BANK1: variants seen among roughly 807,000 people sequenced by gnomAD.
The protein encoded by BANK1 is B-cell scaffold protein with ankyrin repeats.
In BANK1, 95 loss-of-function variants were observed where a neutral mutation model predicts 94.5. The observed-to-expected ratio is 1.00, with a 90% CI of 0.85 to 1.19. The LOEUF is 1.19. BANK1 is among the 50% of genes most tolerant of loss of function. BANK1 has a pLI of 0.00. For missense variants in BANK1, 987 were observed against 932.2 expected (o/e 1.06, Z -0.77); for synonymous variants, 334 against 308.4 (o/e 1.08, Z -0.87).
chr4:102,060,506 T>A, intron 12 of BANK1, 117 bp downstream of exon 12: 1 of 1,071,734 alleles, frequency 9.3e-7, no homozygotes, highest in Non-Finnish European at 1.3e-6. Context: ...AACTAGCCAC[T>A]AAGGAAGATA....
At chr4:101,900,664 A>C (rs1382659637) in intron 6 of BANK1, among the ~76,000 whole-genome samples, 1 of 152,234 alleles carries the variant, frequency 6.6e-6, no homozygotes, top group East Asian at 1.9e-4. Context: ...AGACATGTTT[A>C]TAAAAATATA....
At chr4:101,877,468 C>G (rs925694765) in intron 5 of BANK1, among the ~76,000 whole-genome samples, 4 of 152,066 alleles carry the variant, frequency 2.6e-5, no homozygotes, top group African/African-American at 7.2e-5. Context: ...ATAGTAACTA[C>G]AACAACTTTT....
chr4:101,987,284 G>T (rs57779995), intron 7 of BANK1, among the ~76,000 whole-genome samples: 17,295 of 151,978 alleles, frequency 0.11, 1,151 homozygotes, highest in East Asian at 0.26. Flanking sequence ...TGTTCTGTGT[G>T]TGTGTACTCA....
intron 10 of BANK1, chr4:102,032,370 A>G (rs1727350195): frequency 6.6e-6 from 1 of 152,112 alleles, no homozygotes; most frequent in Admixed American, 6.5e-5. Context: ...TCTTTTTTGT[A>G]GAATTCTTTT....
intron 4 of BANK1, 41 bp from the exon 5 acceptor site, chr4:101,870,464 A>G (rs766931908): frequency 1.3e-6 from 2 of 1,570,438 alleles, no homozygotes; most frequent in Non-Finnish European, 1.7e-6. Context: ...ATGAATATGC[A>G]TTATATACTC....
At chr4:101,964,704 T>G (rs1241249398) in intron 7 of BANK1, among the ~76,000 whole-genome samples, 2 of 151,986 alleles carry the variant, frequency 1.3e-5, no homozygotes, top group African/African-American at 4.8e-5. Flanking sequence ...ATGGAGAAGC[T>G]CAGCTATTTT....
At chr4:102,001,735 C>G (rs1327645389) in intron 7 of BANK1, among the ~76,000 whole-genome samples, 1 of 152,152 alleles carries the variant, frequency 6.6e-6, no homozygotes, top group East Asian at 1.9e-4. Flanking sequence ...AAATCATAAA[C>G]AGAGAATTGT....
intron 1 of BANK1, among the ~76,000 whole-genome samples, chr4:101,796,206 T>C (rs1725150457): frequency 6.6e-6 from 1 of 152,288 alleles, no homozygotes; most frequent in South Asian, 2.1e-4. Context: ...AGTCTCAATT[T>C]CTGATTTCTA....
chr4:102,010,248 G>A (rs1258926014), intron 7 of BANK1, among the ~76,000 whole-genome samples: 1 of 152,068 alleles, frequency 6.6e-6, no homozygotes, highest in Non-Finnish European at 1.5e-5. Context: ...CTGGGCGACA[G>A]AGTGAAACTC....
chr4:101,855,717 A>C (rs1578359594), intron 3 of BANK1, among the ~76,000 whole-genome samples: 1 of 152,340 alleles, frequency 6.6e-6, no homozygotes, highest in African/African-American at 2.4e-5. Context: ...ATACCCTTGG[A>C]TAGAATTTTA....
chr4:102,042,873 G>A (rs1196853137), intron 10 of BANK1, among the ~76,000 whole-genome samples: 2 of 151,900 alleles, frequency 1.3e-5, no homozygotes, highest in African/African-American at 4.8e-5. Flanking sequence ...AGGGGAAGTG[G>A]CAGTAGTGCT....
At chr4:101,795,335 T>C (rs1316016010) in intron 1 of BANK1, among the ~76,000 whole-genome samples, 1 of 140,916 alleles carries the variant, frequency 7.1e-6, no homozygotes, top group African/African-American at 2.8e-5. Context: ...AGTATAGTCA[T>C]ATGAAAATAT....
At chr4:101,936,551 T>TAC (rs1409867317) in intron 7 of BANK1, among the ~76,000 whole-genome samples, 1 of 150,632 alleles carries the variant, frequency 6.6e-6, no homozygotes, top group Non-Finnish European at 1.5e-5. Context: ...CATACACGTA[T>TAC]ACATATATGT....
intron 2 of BANK1, among the ~76,000 whole-genome samples, chr4:101,854,617 T>A (rs1177530307): frequency 1.3e-5 from 2 of 152,074 alleles, no homozygotes; most frequent in African/African-American, 2.4e-5. Context: ...GTTTTTTTTT[T>A]AAATTAGAAA....
chr4:101,804,381 T>C (rs1463402951), intron 1 of BANK1, among the ~76,000 whole-genome samples: 1 of 152,210 alleles, frequency 6.6e-6, no homozygotes, highest in African/African-American at 2.4e-5. Context: ...GTGAGTAGTT[T>C]GTCTGTCTAG....
At chr4:101,920,969 A>T (rs1043428831) in intron 7 of BANK1, among the ~76,000 whole-genome samples, 1 of 151,842 alleles carries the variant, frequency 6.6e-6, no homozygotes, top group South Asian at 2.1e-4. Context: ...GGGGAGGAAG[A>T]GAAAGGAGAG....
intron 6 of BANK1, among the ~76,000 whole-genome samples, chr4:101,897,138 G>C (rs915739664): frequency 7.9e-5 from 12 of 151,924 alleles, no homozygotes; most frequent in Admixed American, 2.6e-4. Context: ...GTAATCGTTT[G>C]TCTTGAGTGA....
chr4:101,989,431 CAAAAAAAA>C (rs899065744), intron 7 of BANK1, among the ~76,000 whole-genome samples: 1 of 31,074 alleles, frequency 3.2e-5, no homozygotes, highest in Non-Finnish European at 7.2e-5. Flanking sequence ...GACTCCGTCT[CAAAAAAAA>C]AAAAAAAAAA....
intron 1 of BANK1, among the ~76,000 whole-genome samples, chr4:101,805,248 T>C (rs1725514046): frequency 6.6e-6 from 1 of 152,236 alleles, no homozygotes; most frequent in Non-Finnish European, 1.5e-5. Context: ...AATATTTTTC[T>C]ATCTAAAATG....
Sources: gnomAD v4.1 joint callset for allele counts (sites outside exome capture counted in the v4.1 genomes callset) on GRCh38, gnomAD v4.1.1 for gene constraint, MANE v1.5 for transcripts, NCBI Gene and HGNC (gene_info 2026-07-23, HGNC 2026-07-21) for gene names.